The following PCDH15 variants were observed in gnomAD, a reference collection of about 807,000 sequenced individuals.
PCDH15 encodes the protein protocadherin related 15.
In PCDH15, 129 loss-of-function variants were observed where a neutral mutation model predicts 178.5. The observed-to-expected ratio is 0.72, with a 90% CI of 0.63 to 0.84. PCDH15 has a LOEUF of 0.84. PCDH15 is among the 40% of genes least tolerant of loss of function. PCDH15 has a pLI of 0.00. For synonymous variants in PCDH15, 800 were observed against 732.0 expected, an observed-to-expected ratio of 1.09 and a Z score of -1.50; for missense variants, 2,230 against 2,099.9, an observed-to-expected ratio of 1.06 and a Z score of -1.21.
intron 3 of PCDH15, among the ~76,000 whole-genome samples, chr10:54,447,085 T>C (rs2076185437): frequency 6.6e-6 from 1 of 151,626 alleles, no homozygotes; most frequent in Non-Finnish European, 1.5e-5. Context: ...TGACAGATCT[T>C]GCCCCGTTCT....
At chr10:53,914,215 A>C (rs528548291) in intron 25 of PCDH15, among the ~76,000 whole-genome samples, 8 of 152,304 alleles carry the variant, frequency 5.3e-5, no homozygotes, top group African/African-American at 1.9e-4. Flanking sequence ...GTGATTCCTC[A>C]AGGATCTAGA....
intron 1 of PCDH15, among the ~76,000 whole-genome samples, chr10:55,280,444 A>ATTTTTTTTTTTTTTT (rs1170034467): frequency 1.1e-5 from 1 of 92,058 alleles, no homozygotes; most frequent in African/African-American, 4.3e-5. Context: ...GCACCCAGCT[A>ATTTTTTTTTTTTTTT]TTTTTTTTTT....
At chr10:55,029,958 C>A (rs1248232656) in intron 2 of PCDH15, among the ~76,000 whole-genome samples, 5 of 151,944 alleles carry the variant, frequency 3.3e-5, no homozygotes, top group East Asian at 3.9e-4. Context: ...GTGGTCCCAC[C>A]AAGATTTCAA....
chr10:53,992,332 T>C (rs562381654), intron 21 of PCDH15, among the ~76,000 whole-genome samples: 1 of 152,294 alleles, frequency 6.6e-6, no homozygotes, highest in Non-Finnish European at 1.5e-5. Flanking sequence ...AGTGCGACAG[T>C]CTGCGGCTTC....
chr10:54,623,795 A>C (rs1486883603), intron 2 of PCDH15, among the ~76,000 whole-genome samples: 1 of 152,100 alleles, frequency 6.6e-6, no homozygotes, highest in Non-Finnish European at 1.5e-5. Context: ...CTGTAAAAGC[A>C]TTTACCTCTG....
chr10:54,821,447 TA>T (rs1347079874), intron 3 of PCDH15, among the ~76,000 whole-genome samples: 1 of 151,948 alleles, frequency 6.6e-6, no homozygotes, highest in Non-Finnish European at 1.5e-5. Flanking sequence ...AAATTAGAAG[TA>T]AAAGTGAATA....
At chr10:55,300,750 A>C (rs758408472) in intron 1 of PCDH15, among the ~76,000 whole-genome samples, 29 of 152,216 alleles carry the variant, frequency 1.9e-4, no homozygotes, top group Non-Finnish European at 3.5e-4. Flanking sequence ...GATTAGAGCC[A>C]GTCTGATTTT....
intron 2 of PCDH15, among the ~76,000 whole-genome samples, chr10:54,608,673 T>A (rs1344701973): frequency 6.6e-6 from 1 of 152,008 alleles, no homozygotes; most frequent in African/African-American, 2.4e-5. Flanking sequence ...TCTGGTAATA[T>A]TCGTCAAGAA....
intron 26 of PCDH15, among the ~76,000 whole-genome samples, chr10:53,867,232 A>T (rs527295356): frequency 4.6e-5 from 7 of 152,160 alleles, no homozygotes; most frequent in Middle Eastern, 3.4e-3. Context: ...TATGAATAAG[A>T]ACATGTATGT....
chr10:54,713,501 C>T (rs560738488), intron 1 of PCDH15, among the ~76,000 whole-genome samples: 5 of 152,070 alleles, frequency 3.3e-5, no homozygotes, highest in African/African-American at 4.8e-5. Flanking sequence ...CTTTTTAAAA[C>T]GTTTAAGAAG....
chr10:53,887,577 T>C (rs930538338), intron 26 of PCDH15, among the ~76,000 whole-genome samples: 1 of 152,228 alleles, frequency 6.6e-6, no homozygotes, highest in East Asian at 1.9e-4. Flanking sequence ...TTCAATTCTC[T>C]TCCCTGTATT....
At chr10:54,368,492 T>TA (rs1039318351) in intron 5 of PCDH15, among the ~76,000 whole-genome samples, 44 of 150,940 alleles carry the variant, frequency 2.9e-4, no homozygotes, top group African/African-American at 1.0e-3. Context: ...AACCACGGTT[T>TA]AAAAAAAAAT....
At chr10:54,155,824 A>C (rs1277417668) in intron 13 of PCDH15, among the ~76,000 whole-genome samples, 1 of 151,736 alleles carries the variant, frequency 6.6e-6, no homozygotes, top group Non-Finnish European at 1.5e-5. Context: ...CAAAACCTCA[A>C]CGACATTACA....
At chr10:54,560,859 T>G (rs1405410520) in intron 2 of PCDH15, among the ~76,000 whole-genome samples, 1 of 152,114 alleles carries the variant, frequency 6.6e-6, no homozygotes, top group Non-Finnish European at 1.5e-5. Context: ...TCAAAATTGA[T>G]TCACATGAGC....
intron 3 of PCDH15, among the ~76,000 whole-genome samples, chr10:54,892,985 C>T (rs74348216): frequency 0.01 from 1,559 of 151,982 alleles, 13 homozygotes; most frequent in Non-Finnish European, 0.016. Context: ...AATACATCTC[C>T]TCCTGGACTT....
rs371654792 is a variant in PCDH15 at position 54,351,534 on chromosome 10, A to G, written c.475-5050T>C. Among the ~76,000 whole-genome samples, 4 of 152,134 alleles carry G rather than the reference A, an allele frequency of 2.6e-5. No homozygotes were observed. In the East Asian group the frequency reaches 7.7e-4, roughly 29 times the overall value. On this transcript the variant is annotated intron_variant, in intron 5 of 37. Transcript: ENST00000644397. ...TTATTTATATATATTATTTATGCAGATGAGACTGAAACTTTTCACAATTTC... is the reference window on the plus strand; with the variant it reads ...TTATTTATATATATTATTTATGCAGGTGAGACTGAAACTTTTCACAATTTC...
chr10:54,065,271 G>T (rs2094115232), intron 18 of PCDH15, among the ~76,000 whole-genome samples: 1 of 152,314 alleles, frequency 6.6e-6, no homozygotes, highest in South Asian at 2.1e-4. Context: ...TCTGATGCAT[G>T]AGTTTGCATC....
intron 25 of PCDH15, among the ~76,000 whole-genome samples, chr10:53,917,747 T>C (rs1284442210): frequency 1.3e-5 from 2 of 152,172 alleles, no homozygotes; most frequent in Non-Finnish European, 2.9e-5. Context: ...CTGCATCTCA[T>C]GTTGAAATGT....
At chr10:54,845,799 A>G (rs769344162) in intron 3 of PCDH15, among the ~76,000 whole-genome samples, 2 of 152,222 alleles carry the variant, frequency 1.3e-5, no homozygotes, top group South Asian at 4.1e-4. Context: ...AAAGATGTTC[A>G]CTGTCTTTAA....
Sources: gnomAD v4.1 joint callset for allele counts (sites outside exome capture counted in the v4.1 genomes callset) on GRCh38, gnomAD v4.1.1 for gene constraint, MANE v1.5 for transcripts, NCBI Gene and HGNC (gene_info 2026-07-23, HGNC 2026-07-21) for gene names.